TNKS: variants seen among roughly 807,000 people sequenced by gnomAD.
TNKS encodes the protein poly [ADP-ribose] polymerase tankyrase-1.
In TNKS, 72 loss-of-function variants were observed where a neutral mutation model predicts 135.8. The observed-to-expected ratio is 0.53, with a 90% CI of 0.44 to 0.64. The LOEUF (loss-of-function observed/expected upper bound fraction) is 0.64, where lower values mean the gene tolerates loss of function less well. TNKS is among the 30% of genes least tolerant of loss of function. TNKS has a pLI of 0.00. For missense variants in TNKS, 1,769 were observed against 1,674.0 expected (o/e 1.06, Z -0.99); for synonymous variants, 849 against 649.3 (o/e 1.31, Z -4.68).
chr8:9,672,558 C>T (rs1452670475), intron 3 of TNKS, among the ~76,000 whole-genome samples: 2 of 143,356 alleles, frequency 1.4e-5, no homozygotes, highest in African/African-American at 2.6e-5. Context: ...TGATATAGAA[C>T]AAAATGTAAA....
intron 3 of TNKS, among the ~76,000 whole-genome samples, chr8:9,620,741 A>T (rs1799834913): frequency 6.6e-6 from 1 of 152,210 alleles, no homozygotes; most frequent in Admixed American, 6.5e-5. Context: ...TCATCAGTTA[A>T]ATCTCTAGTT....
chr8:9,663,239 C>G (rs1585297602), intron 3 of TNKS, among the ~76,000 whole-genome samples: 1 of 152,200 alleles, frequency 6.6e-6, no homozygotes. Flanking sequence ...TTTTAATTCA[C>G]TTAGTTTCTG....
At chr8:9,583,597 T>G (rs1798253428) in intron 2 of TNKS, among the ~76,000 whole-genome samples, 1 of 151,988 alleles carries the variant, frequency 6.6e-6, no homozygotes, top group Non-Finnish European at 1.5e-5. Flanking sequence ...CAAGTGATTC[T>G]CCTGCCTCAG....
chr8:9,722,554 C>CAAAA (rs6150459), intron 12 of TNKS: 47 of 143,166 alleles, frequency 3.3e-4, no homozygotes, highest in East Asian at 8.2e-4. Flanking sequence ...AGCTTGAACT[C>CAAAA]AAAAAAAAAA....
intron 12 of TNKS, 104 bp from the exon 13 acceptor site, chr8:9,726,537 A>C: frequency 1.4e-6 from 1 of 735,588 alleles, no homozygotes; most frequent in Non-Finnish European, 2.2e-6. Context: ...TTCCTCCTGA[A>C]CTACTTTGCA....
At chr8:9,721,198 C>T (rs1292285034) in intron 12 of TNKS, among the ~76,000 whole-genome samples, 1 of 150,778 alleles carries the variant, frequency 6.6e-6, no homozygotes, top group Non-Finnish European at 1.5e-5. Context: ...AGGAGAATTG[C>T]TTGAACGCGG....
At chr8:9,765,837 C>G (rs543408004) in intron 24 of TNKS, 40 bp downstream of exon 24, 6 of 1,550,330 alleles carry the variant, frequency 3.9e-6, no homozygotes, top group Non-Finnish European at 5.3e-6. Context: ...CTCCCTGGGC[C>G]TTTGCAGGAG....
At position 9,731,885 on chromosome 8, in the gene TNKS, T is replaced by C. The variant is rs1805461487; in HGVS notation, c.2147+850T>C. 3.3e-5 allele frequency among the ~76,000 whole-genome samples: 5 copies of C among 151,280 alleles called. No individual in the cohort carries two copies. In the South Asian group the frequency reaches 1.0e-3, roughly 32 times the overall value. Reference sequence around the variant, plus strand: ...TCACTGCAAGCTCTGCCTCCCAGGTTCACGCCATTCTCCTGCCTCAGCCTC... The same window carrying C: ...TCACTGCAAGCTCTGCCTCCCAGGTCCACGCCATTCTCCTGCCTCAGCCTC... On this transcript the variant is annotated intron_variant, in intron 14 of 26. Transcript: ENST00000310430.
intron 1 of TNKS, chr8:9,557,126 A>G (rs796169449): frequency 6.2e-6 from 1 of 161,386 alleles, no homozygotes; most frequent in African/African-American, 2.4e-5. Context: ...AGAAGTTTGC[A>G]GTCTAGACGG....
chr8:9,694,785 G>C (rs1377648469), intron 5 of TNKS, among the ~76,000 whole-genome samples: 1 of 150,640 alleles, frequency 6.6e-6, no homozygotes, highest in Admixed American at 6.6e-5. Flanking sequence ...AAAAGATATT[G>C]TCCAAAGACA....
At chr8:9,686,963 C>T (rs1358671593) in intron 5 of TNKS, among the ~76,000 whole-genome samples, 2 of 152,110 alleles carry the variant, frequency 1.3e-5, no homozygotes, top group Admixed American at 6.6e-5. Flanking sequence ...TATTTTTCAG[C>T]AGAGTTAGTA....
intron 3 of TNKS, among the ~76,000 whole-genome samples, chr8:9,656,693 C>T (rs1181053269): frequency 1.4e-5 from 2 of 147,546 alleles, no homozygotes; most frequent in Non-Finnish European, 3.0e-5. Context: ...GGTCATGGGA[C>T]AATAGTGGAG....
intron 5 of TNKS, among the ~76,000 whole-genome samples, chr8:9,699,364 G>C (rs1258000619): frequency 2.6e-5 from 4 of 152,194 alleles, no homozygotes; most frequent in Non-Finnish European, 4.4e-5. Context: ...TGGATCAGGA[G>C]ACAGCATTTG....
At chr8:9,571,991 A>T (rs1198593515) in intron 1 of TNKS, among the ~76,000 whole-genome samples, 1 of 152,094 alleles carries the variant, frequency 6.6e-6, no homozygotes, top group Non-Finnish European at 1.5e-5. Context: ...GACTTGGTTA[A>T]GTTTTCTTTG....
intron 3 of TNKS, among the ~76,000 whole-genome samples, chr8:9,638,240 G>T (rs183938126): frequency 1.3e-5 from 2 of 152,196 alleles, no homozygotes; most frequent in Non-Finnish European, 2.9e-5. Flanking sequence ...CTCCTAAAGC[G>T]TTGGGATTAC....
At chr8:9,628,198 T>G (rs902313136) in intron 3 of TNKS, among the ~76,000 whole-genome samples, 5 of 152,212 alleles carry the variant, frequency 3.3e-5, no homozygotes, top group Admixed American at 3.3e-4. Flanking sequence ...GTGTCAATTC[T>G]TACACCACTC....
chr8:9,759,992 CAA>C (rs529191810), intron 20 of TNKS, among the ~76,000 whole-genome samples: 2 of 112,444 alleles, frequency 1.8e-5, no homozygotes, highest in African/African-American at 3.3e-5. Context: ...GAAAACAAAA[CAA>C]AAAAAAAAAA....
intron 3 of TNKS, among the ~76,000 whole-genome samples, chr8:9,667,557 ATGATGTCAGAACTGTC>A (rs1585303462): frequency 1.3e-5 from 2 of 152,188 alleles, no homozygotes; most frequent in East Asian, 3.8e-4. Flanking sequence ...TGCTTTTTGA[ATGATGTCAGAACTGTC>A]TTGTCTTTGT....
intron 1 of TNKS, among the ~76,000 whole-genome samples, chr8:9,568,366 T>TA (rs1797630122): frequency 6.6e-6 from 1 of 152,208 alleles, no homozygotes; most frequent in South Asian, 2.1e-4. Context: ...AAGCTTATAG[T>TA]AAAAATGCAG....
Sources: gnomAD v4.1 joint callset for allele counts (sites outside exome capture counted in the v4.1 genomes callset) on GRCh38, gnomAD v4.1.1 for gene constraint, MANE v1.5 for transcripts, NCBI Gene and HGNC (gene_info 2026-07-23, HGNC 2026-07-21) for gene names.